P2RY8: variants seen among roughly 807,000 people sequenced by gnomAD.
P2RY8 encodes the protein S-geranylgeranyl-glutathione receptor P2RY8.
In P2RY8, 6 loss-of-function variants were observed where a neutral mutation model predicts 10.0. That is an observed-to-expected ratio of 0.60 (90% confidence interval 0.33 to 1.19). The LOEUF (loss-of-function observed/expected upper bound fraction) is 1.19. Ranked by LOEUF, P2RY8 falls within the 50% of genes most tolerant of loss-of-function variation. P2RY8 has a pLI of 0.04. For synonymous variants in P2RY8, 276 were observed against 252.5 expected (o/e 1.09, Z -0.88); for missense variants, 456 against 542.0 (o/e 0.84, Z 1.58).
intron 1 of P2RY8, among the ~76,000 whole-genome samples, chrX:1,477,064 C>G (rs1439450471): frequency 6.6e-6 from 1 of 152,090 alleles, no homozygotes; most frequent in African/African-American, 2.4e-5. Flanking sequence ...TGGCGGGTGC[C>G]TCTAATCCCA....
At chrX:1,512,735 T>A (rs2092308312) in intron 1 of P2RY8, among the ~76,000 whole-genome samples, 1 of 151,938 alleles carries the variant, frequency 6.6e-6, no homozygotes, top group Admixed American at 6.6e-5. Flanking sequence ...TATAAAACCA[T>A]CAGATCTCCT....
In P2RY8 at chrX:1,472,931, G is replaced by C. The variant is rs2091811994; in HGVS notation, c.-24-6349C>G. On this transcript the variant is annotated intron_variant, in intron 1 of 1. Coordinates refer to ENST00000381297, the MANE Select transcript of P2RY8 (RefSeq NM_178129.5). Reference sequence around the variant, plus strand: ...ATGGATGTGGATGGGTAGATGGATGGGCGGGTGAGTGGATGAGTGCATGGG... The same window carrying C: ...ATGGATGTGGATGGGTAGATGGATGCGCGGGTGAGTGGATGAGTGCATGGG... Among the ~76,000 whole-genome samples, 3 of 132,188 alleles carry C rather than the reference G, an allele frequency of 2.3e-5. No homozygotes were observed. The South Asian group carries it at 8.0e-4, about 35-fold the overall frequency. 86.7% of individuals were successfully genotyped at this position (132,188 alleles called of 152,430 possible).
At chrX:1,522,539 C>G (rs1436539468) in intron 1 of P2RY8, among the ~76,000 whole-genome samples, 1 of 152,186 alleles carries the variant, frequency 6.6e-6, no homozygotes, top group South Asian at 2.1e-4. Flanking sequence ...TGCCTCTAGT[C>G]CCAGCACCTT....
intron 1 of P2RY8, among the ~76,000 whole-genome samples, chrX:1,512,413 G>A (rs1190210778): frequency 2.6e-5 from 4 of 151,988 alleles, no homozygotes. Flanking sequence ...CAGGCGTGGT[G>A]GTGGGTACCT....
intron 1 of P2RY8, among the ~76,000 whole-genome samples, chrX:1,480,652 C>T (rs1180760874): frequency 2.6e-5 from 4 of 151,918 alleles, no homozygotes; most frequent in African/African-American, 7.3e-5. Flanking sequence ...AGGGGAACGT[C>T]ACACACCAGG....
chrX:1,506,266 G>A (rs1362452994), intron 1 of P2RY8, among the ~76,000 whole-genome samples: 1 of 152,064 alleles, frequency 6.6e-6, no homozygotes, highest in Admixed American at 6.6e-5. Flanking sequence ...CTGCTGGGAT[G>A]ACGGGTGTGA....
chrX:1,532,334 ACATATATGTATATGATG>A (rs2092481347), intron 1 of P2RY8, among the ~76,000 whole-genome samples: 1 of 144,126 alleles, frequency 6.9e-6, no homozygotes, highest in East Asian at 1.9e-4. Flanking sequence ...GTATATATAC[ACATATATGTATATGATG>A]TGTATATATA....
intron 1 of P2RY8, among the ~76,000 whole-genome samples, chrX:1,468,736 T>C (rs1176672076): frequency 1.7e-4 from 14 of 82,954 alleles, no homozygotes; most frequent in African/African-American, 3.5e-4. Context: ...CTCTCCTCTC[T>C]CCTCTCTCCT....
At chrX:1,521,029 CTTTTCT>C (rs1170494787) in intron 1 of P2RY8, among the ~76,000 whole-genome samples, 5 of 83,930 alleles carry the variant, frequency 6.0e-5, no homozygotes, top group Non-Finnish European at 1.1e-4. Flanking sequence ...TCTGATTTTT[CTTTTCT>C]TTTTTTTTTT....
chrX:1,509,821 C>T (rs1412750335), intron 1 of P2RY8, among the ~76,000 whole-genome samples: 3 of 149,670 alleles, frequency 2.0e-5, no homozygotes, highest in Non-Finnish European at 3.0e-5. Context: ...ATCTATCTAT[C>T]TATCTATCTA....
chrX:1,506,615 G>A (rs1306556879), intron 1 of P2RY8, among the ~76,000 whole-genome samples: 3 of 152,024 alleles, frequency 2.0e-5, no homozygotes, highest in Non-Finnish European at 4.4e-5. Context: ...ATCACCATGA[G>A]CTCCGTGACT....
chrX:1,536,227 A>G, intron 1 of P2RY8, among the ~76,000 whole-genome samples: 1 of 151,618 alleles, frequency 6.6e-6, no homozygotes, highest in East Asian at 1.9e-4. Flanking sequence ...TCTAAGGTTA[A>G]CCTCAAGAGA....
chrX:1,468,566 C>G (rs1444569440), intron 1 of P2RY8, among the ~76,000 whole-genome samples: 4 of 152,158 alleles, frequency 2.6e-5, no homozygotes, highest in Admixed American at 1.3e-4. Context: ...CCCGCCGGGG[C>G]TCAGCGGGCA....
rs147323445 is a variant in P2RY8 at position 1,483,331 on chromosome X, G to A, written c.-24-16749C>T. ...TGGGCTCCCTTAGATCCAAAGCGGG[G>A]TTTCCTTAAAACCCAAACAGGAGCC... On this transcript the variant is annotated intron_variant, in intron 1 of 1. Transcript: ENST00000381297. 3.7e-3 allele frequency among the ~76,000 whole-genome samples: 558 copies of A among 151,896 alleles called. 7 individuals are homozygous for A. Among genetic ancestry groups the A allele is most frequent in the African/African-American group, 0.012 (512 of 41,422 alleles).
intron 1 of P2RY8, among the ~76,000 whole-genome samples, chrX:1,467,854 T>G (rs767338636): frequency 6.6e-6 from 1 of 151,890 alleles, no homozygotes; most frequent in Admixed American, 6.5e-5. Flanking sequence ...AATATTTTTA[T>G]TTTTTGTAGA....
At chrX:1,508,328 C>A (rs1257922425) in intron 1 of P2RY8, among the ~76,000 whole-genome samples, 4 of 152,136 alleles carry the variant, frequency 2.6e-5, no homozygotes, top group Non-Finnish European at 5.9e-5. Context: ...ACATCTCTGG[C>A]TGTCATGACG....
intron 1 of P2RY8, among the ~76,000 whole-genome samples, chrX:1,483,745 T>C (rs1234360282): frequency 6.6e-6 from 1 of 152,062 alleles, no homozygotes; most frequent in Non-Finnish European, 1.5e-5. Flanking sequence ...GGGGCTCCCT[T>C]AGACCCAGAG....
intron 1 of P2RY8, among the ~76,000 whole-genome samples, chrX:1,480,431 C>G (rs1420357560): frequency 6.6e-6 from 1 of 151,272 alleles, no homozygotes; most frequent in Non-Finnish European, 1.5e-5. Context: ...CTCTGTCAAC[C>G]AAGCTGGGGG....
At chrX:1,473,533 ATGGGTGGG>A (rs1452320657) in intron 1 of P2RY8, among the ~76,000 whole-genome samples, 3 of 45,790 alleles carry the variant, frequency 6.6e-5, no homozygotes, top group African/African-American at 5.8e-5. Flanking sequence ...GGGTGGATGG[ATGGGTGGG>A]TGGGTGGATG....
Sources: allele counts gnomAD v4.1 joint callset (sites outside exome capture counted in the v4.1 genomes callset), GRCh38; gene constraint gnomAD v4.1.1; transcripts MANE v1.5; gene names NCBI Gene and HGNC (gene_info 2026-07-23, HGNC 2026-07-21).